Variants in SLC6A3 observed in about 807,000 individuals in gnomAD.
The protein encoded by SLC6A3 is solute carrier family 6 member 3.
In SLC6A3, 19 loss-of-function variants were observed where a neutral mutation model predicts 70.4. The ratio of observed to expected loss-of-function variants is 0.27; its 90% CI spans 0.19 to 0.40. SLC6A3 has a LOEUF of 0.40. SLC6A3 is among the 10% of genes least tolerant of loss of function. The pLI is 1.00. For synonymous variants in SLC6A3, 368 were observed against 356.6 expected (o/e 1.03, Z -0.36); for missense variants, 613 against 838.5 (o/e 0.73, Z 3.32).
chr5:1,418,765 G>A (rs1040314748), intron 6 of SLC6A3, among the ~76,000 whole-genome samples: 54 of 129,714 alleles, frequency 4.2e-4, no homozygotes, highest in Middle Eastern at 6.9e-3. Context: ...CATCCATGCT[G>A]TCCAGCTACC....
At position 1,401,596 on chromosome 5, in the gene SLC6A3, C is replaced by T. The variant is rs181745289; in HGVS notation, c.1768-610G>A. 1.3e-3 allele frequency among the ~76,000 whole-genome samples: 192 copies of T among 152,298 alleles called. 1 individual carries two copies. The highest frequency in any genetic ancestry group is 4.1e-3 in the African/African-American group (170 of 41,568). On this transcript the variant is annotated intron_variant, in intron 13 of 14. Transcript: ENST00000270349. This position sits in a 1 kb window ranked among gnomAD's most constrained non-coding sequence, Gnocchi z 6.1. ...AGGCCAGGTGACCTCTCACAGGGAC[C>T]CCTGTGCGTGGCCCCACCCCACGTC...
Position 1,421,870 on chromosome 5 carries a change from C to A in SLC6A3, c.792+6G>T. ...ACAGGCCCAATTGGTGACCCCCGAG[C>A]CTCACCTTCCCTGAGGTCTTCACGC... On this transcript the variant is annotated splice_donor_region_variant and intron_variant, in intron 5 of 14. Transcript: ENST00000270349. This position sits in a 1 kb window ranked among gnomAD's most constrained non-coding sequence, Gnocchi z 7.2. 1 of 1,613,212 alleles carries A rather than the reference C, an allele frequency of 6.2e-7. No individual in the cohort carries two copies. The highest frequency in any genetic ancestry group is 8.5e-7 in the Non-Finnish European group (1 of 1,179,976).
Position 1,404,206 on chromosome 5 carries a change from C to A in SLC6A3, c.1600-1117G>T, listed in dbSNP as rs1326239849. 1.3e-5 allele frequency among the ~76,000 whole-genome samples: 2 copies of A among 152,224 alleles called. No individual in the cohort carries two copies. The highest frequency in any genetic ancestry group is 3.9e-4 in the East Asian group (2 of 5,194). ...CTTCGGGCCACTTGTAGGTTTGGAG[C>A]CGGCTAGCGGAGGACTGGGATGGGG... On this transcript the variant is annotated intron_variant, in intron 12 of 14. Coordinates refer to ENST00000270349, the MANE Select transcript of SLC6A3 (RefSeq NM_001044.5). This position sits in a 1 kb window ranked among gnomAD's most constrained non-coding sequence, Gnocchi z 5.2.
chr5:1,414,601 T>A, intron 8 of SLC6A3, 90 bp downstream of exon 8: 5 of 1,483,282 alleles, frequency 3.4e-6, no homozygotes, highest in Non-Finnish European at 4.6e-6. Context: ...CCCATGCGTC[T>A]CCTTCCTCTT....
At position 1,402,697 on chromosome 5, in the gene SLC6A3, C is replaced by T. The variant is rs537261170; in HGVS notation, c.1767+225G>A. 6.8e-4 allele frequency among the ~76,000 whole-genome samples: 104 copies of T among 152,258 alleles called. No homozygotes were observed. Among genetic ancestry groups the T allele is most frequent in the Non-Finnish European group, 1.0e-3 (68 of 68,010 alleles). Reference sequence around the variant, plus strand: ...AGACACACACAGACATGTGGACATACTTAAAGACACACACATGAATACACA... The same window carrying T: ...AGACACACACAGACATGTGGACATATTTAAAGACACACACATGAATACACA... On this transcript the variant is annotated intron_variant, in intron 13 of 14. Coordinates refer to ENST00000270349, the MANE Select transcript of SLC6A3 (RefSeq NM_001044.5). The surrounding 1 kb of genome is among the most constrained non-coding windows in gnomAD (Gnocchi z 8.5).
Position 1,404,176 on chromosome 5 carries a change from C to T in SLC6A3, c.1600-1087G>A, listed in dbSNP as rs28363125. Among the ~76,000 whole-genome samples, 357 of 152,370 alleles carry T rather than the reference C, an allele frequency of 2.3e-3. No individual in the cohort carries two copies. The highest frequency in any genetic ancestry group is 0.015 in the South Asian group (74 of 4,828). ...TGCCAGTCTCAGCATCTTCTTCATG[C>T]GCTACTTCGGGCCACTTGTAGGTTT... On this transcript the variant is annotated intron_variant, in intron 12 of 14. Transcript: ENST00000270349. The surrounding 1 kb of genome is among the most constrained non-coding windows in gnomAD (Gnocchi z 5.2).
intron 9 of SLC6A3, among the ~76,000 whole-genome samples, chr5:1,410,450 G>T (rs1384345178): frequency 2.0e-5 from 3 of 152,144 alleles, no homozygotes; most frequent in African/African-American, 7.2e-5. Context: ...CCGGGTGCAT[G>T]ACCAGCGTTT....
chr5:1,422,384 A>ACGCTGCTGGGTGCCC (rs1560918341), intron 4 of SLC6A3, among the ~76,000 whole-genome samples: 18 of 149,332 alleles, frequency 1.2e-4, no homozygotes, highest in Non-Finnish European at 2.4e-4. Flanking sequence ...AGTGCTGCCC[A>ACGCTGCTGGGTGCCC]AGGTGCTGGG....
Position 1,421,823 on chromosome 5 carries a change from T to C in SLC6A3, c.792+53A>G. The C allele has an allele frequency of 6.2e-7, 1 of 1,600,082 alleles. No homozygotes were observed. The highest frequency in any genetic ancestry group is 1.1e-5 in the South Asian group (1 of 90,820). On this transcript the variant is annotated intron_variant, in intron 5 of 14. Transcript: ENST00000270349. This position sits in a 1 kb window ranked among gnomAD's most constrained non-coding sequence, Gnocchi z 7.2. Reference sequence around the variant, plus strand: ...CCTCCTGTCCAGCCACGGCCACATGTCCACTTGGTGGCCCCATGTCTACAG... The same window carrying C: ...CCTCCTGTCCAGCCACGGCCACATGCCCACTTGGTGGCCCCATGTCTACAG...
In SLC6A3 at chr5:1,396,131, A is replaced by G. The variant is rs1016754969; in HGVS notation, c.1840-1373T>C. ...CGCAGCTTCCAGAGATGAAGTAGAAAAGAGAATGGCTGGGCTGCAGACCAG... is the reference window on the plus strand; with the variant it reads ...CGCAGCTTCCAGAGATGAAGTAGAAGAGAGAATGGCTGGGCTGCAGACCAG... On this transcript the variant is annotated intron_variant, in intron 14 of 14. Transcript: ENST00000270349. This position sits in a 1 kb window ranked among gnomAD's most constrained non-coding sequence, Gnocchi z 7.0. Among the ~76,000 whole-genome samples, 2 of 152,150 alleles carry G rather than the reference A, an allele frequency of 1.3e-5. No homozygotes were observed. The highest frequency in any genetic ancestry group is 4.8e-5 in the African/African-American group (2 of 41,440).
Position 1,401,070 on chromosome 5 carries a change from T to C in SLC6A3, c.1768-84A>G. ...CCACTGACTCACACTGCCAGGACCC[T>C]CACCTACCAGCACCCTCACCACCAG... On this transcript the variant is annotated intron_variant, in intron 13 of 14. Coordinates refer to ENST00000270349, the MANE Select transcript of SLC6A3 (RefSeq NM_001044.5). This position sits in a 1 kb window ranked among gnomAD's most constrained non-coding sequence, Gnocchi z 6.1. The C allele has an allele frequency of 2.9e-6, 3 of 1,041,886 alleles. No individual in the cohort carries two copies. In the South Asian group the frequency reaches 4.0e-5, roughly 14 times the overall value. 64.5% of individuals were successfully genotyped at this position (1,041,886 alleles called of 1,614,324 possible).
chr5:1,416,177 C>T lies in SLC6A3; in HGVS notation c.952G>A (p.Val318Met). 1 of 1,613,768 alleles carries T rather than the reference C, an allele frequency of 6.2e-7. No individual in the cohort carries two copies. Among genetic ancestry groups the T allele is most frequent in the Non-Finnish European group, 8.5e-7 (1 of 1,179,988 alleles). The change falls in exon 7 of 15, where the codon GTG becomes ATG. Residue 318 changes from valine to methionine, a missense_variant. By Grantham distance (21) the Val-to-Met change is conservative. Around this residue, in one of 4 missense-constraint regions of SLC6A3, gnomAD observed 348 missense variants for 481.2 expected, o/e 0.72. Transcript: ENST00000270349. ...AACCCCACGCCCAGGGAGAAGCACA[C>T]CTGGGTGGCCGCGTCAATCCAAACC... is the stretch of plus-strand genomic sequence containing the variant. ...ASVWIDAATQ[V>M]CFSLGVGFGV...
At chr5:1,431,735 T>C (rs1035401336) in intron 4 of SLC6A3, among the ~76,000 whole-genome samples, 1 of 150,732 alleles carries the variant, frequency 6.6e-6, no homozygotes. Context: ...CTGGCTGGGG[T>C]GGGCAGTGAG....
chr5:1,425,178 T>C (rs979876337), intron 4 of SLC6A3, among the ~76,000 whole-genome samples: 2 of 152,228 alleles, frequency 1.3e-5, no homozygotes, highest in Admixed American at 6.5e-5. Flanking sequence ...CATGATTCAA[T>C]TGGGTGACAG....
rs760077615 is a variant in SLC6A3, at chr5:1,416,091, G to T, written c.1031+7C>A. On this transcript the variant is annotated splice_region_variant and intron_variant, in intron 7 of 14. Transcript: ENST00000270349. ...GAGGCCCCTGCCTGGCCCTGCTAGG[G>T]GCTCACCTGTAGCAGTTGTTGGTGA... 1 of 1,609,496 alleles carries T rather than the reference G, an allele frequency of 6.2e-7. No individual in the cohort carries two copies. The highest frequency in any genetic ancestry group is 1.7e-5 in the Admixed American group (1 of 60,014).
Position 1,443,194 on chromosome 5 carries a change from T to C in SLC6A3, c.4A>G (p.Ser2Gly), listed in dbSNP as rs1005337464. The C allele has an allele frequency of 5.6e-6, 9 of 1,614,110 alleles. No individual in the cohort carries two copies. Among genetic ancestry groups the C allele is most frequent in the Non-Finnish European group, 5.9e-6 (7 of 1,180,022 alleles). ...AGTCCCACGGAGCATTTGCTCTTAC[T>C]CATGGGCACACTGGGAGTTGAGGAA... M[S>G]KSKCSVGLMS... The change falls in exon 2 of 15, where the codon AGT (serine) becomes GGT (glycine). Residue 2 changes from serine (S) to glycine (G), a missense_variant. By Grantham distance (56) the Ser-to-Gly change is moderately conservative. Coordinates refer to ENST00000270349, the MANE Select transcript of SLC6A3 (RefSeq NM_001044.5).
intron 4 of SLC6A3, among the ~76,000 whole-genome samples, chr5:1,425,762 A>C (rs114847935): frequency 0.017 from 2,639 of 152,324 alleles, 82 homozygotes; most frequent in African/African-American, 0.059. Context: ...ATCACCTATT[A>C]ATCTGAAAAG....
rs986706530 is a variant in SLC6A3, at chr5:1,438,245, C to A, written c.418+3114G>T. Among the ~76,000 whole-genome samples, 1 of 152,258 alleles carries A rather than the reference C, an allele frequency of 6.6e-6. No homozygotes were observed. Among genetic ancestry groups the A allele is most frequent in the Non-Finnish European group, 1.5e-5 (1 of 68,044 alleles). ...AGTGTGAACAAGCTCTTCCAAAGATCCGCCCGCAGGGCCACGAGCCTTCCT... is the reference window on the plus strand; with the variant it reads ...AGTGTGAACAAGCTCTTCCAAAGATACGCCCGCAGGGCCACGAGCCTTCCT... On this transcript the variant is annotated intron_variant, in intron 3 of 14. Transcript: ENST00000270349. The surrounding 1 kb of genome is among the most constrained non-coding windows in gnomAD (Gnocchi z 6.5).
rs758279686 is a variant in SLC6A3 at position 1,423,281 on chromosome 5, C to T, written c.654-1267G>A. On this transcript the variant is annotated intron_variant, in intron 4 of 14. Transcript: ENST00000270349. ...CCACTGCTGCCCACAGTGCTGCCCA[C>T]GGTGCTGGGTACCCACCGCTGCCCA... Among the ~76,000 whole-genome samples the T allele has an allele frequency of 3.8e-4, 25 of 65,236 alleles. 3 individuals carry two copies. Among genetic ancestry groups the T allele is most frequent in the Non-Finnish European group, 6.0e-4 (22 of 36,496 alleles). 42.8% of individuals were successfully genotyped at this position (65,236 alleles called of 152,430 possible).
Sources: gnomAD v4.1 joint callset for allele counts (sites outside exome capture counted in the v4.1 genomes callset) on GRCh38, gnomAD v4.1.1 for gene constraint, gnomAD v4.1.1 regional missense constraint, Gnocchi (gnomAD v3.1) non-coding constraint, MANE v1.5 for transcripts, NCBI Gene and HGNC (gene_info 2026-07-23, HGNC 2026-07-21) for gene names.